The following SERPINA11 variants were observed in gnomAD, a reference collection of about 807,000 sequenced individuals.
SERPINA11 encodes serpin family A member 11.
In SERPINA11, 28 loss-of-function variants were observed where a neutral mutation model predicts 29.4. The observed-to-expected ratio is 0.95, with a 90% CI of 0.70 to 1.30. The LOEUF is 1.30. Among genes scored for constraint, SERPINA11 ranks in the 50% most tolerant of loss-of-function variants. The pLI is 0.00. For synonymous variants in SERPINA11, 253 were observed against 206.6 expected, an observed-to-expected ratio of 1.22 and a Z score of -1.92; for missense variants, 530 against 507.3, an observed-to-expected ratio of 1.04 and a Z score of -0.43.
intron 3 of SERPINA11, among the ~76,000 whole-genome samples, chr14:94,445,439 A>G (rs1898415202): frequency 6.6e-6 from 1 of 152,200 alleles, no homozygotes; most frequent in Non-Finnish European, 1.5e-5. Flanking sequence ...ACAAACCATA[A>G]AGCAAGTGAG....
At chr14:94,445,868 C>T (rs1898426713) in intron 3 of SERPINA11, among the ~76,000 whole-genome samples, 1 of 152,192 alleles carries the variant, frequency 6.6e-6, no homozygotes. Flanking sequence ...TGAGCTGCTG[C>T]ACCCAGCCAT....
At chr14:94,443,024 G>A (rs2139773354) in intron 4 of SERPINA11, 54 bp downstream of exon 4, 2 of 1,559,568 alleles carry the variant, frequency 1.3e-6, no homozygotes. Context: ...TGCCAAAGGA[G>A]AAACCTCCTA....
chr14:94,449,398 TTCTTTCTATTCTTTC>T lies in SERPINA11; in HGVS notation c.-3-636_-3-622del, dbSNP rs1898519829. On this transcript the variant is annotated intron_variant, in intron 1 of 4. Transcript: ENST00000334708. ...TAGTCTAGCCTCCCTCCCTCTTTCT[TTCTTTCTATTCTTTC>T]TTTCTTTCTTTCTTTCTTTCTTTCT... Among the ~76,000 whole-genome samples, 4 of 26,042 alleles carry T rather than the reference TTCTTTCTATTCTTTC, an allele frequency of 1.5e-4. 1 individual carries two copies. The highest frequency in any genetic ancestry group is 2.9e-3 in the South Asian group (2 of 686). 17.1% of individuals were successfully genotyped at this position (26,042 alleles called of 152,430 possible). A position where few individuals can be genotyped will look rare whatever the true frequency, so the allele number is the denominator to read the frequency against.
Position 94,448,451 on chromosome 14 carries a change from T to A in SERPINA11, c.324A>T (p.Thr108=), listed in dbSNP as rs777116178. 2 of 1,614,176 alleles carry A rather than the reference T, an allele frequency of 1.2e-6. No individual in the cohort carries two copies. Among genetic ancestry groups the A allele is most frequent in the East Asian group, 4.5e-5 (2 of 44,882 alleles). The change falls in exon 2 of 5, where the codon ACA becomes ACT. Residue 108 remains threonine (T), a synonymous_variant. Coordinates refer to ENST00000334708, the MANE Select transcript of SERPINA11 (RefSeq NM_001080451.2). ...LILEGLGFNL[T]ETPEADIHQG... ...GGTGGATGTCGGCTTCAGGGGTTTC[T>A]GTGAGGTTGAATCCCAGGCCCTCCA...
In SERPINA11 at chr14:94,446,418, A is replaced by C. The variant is rs769184552; in HGVS notation, c.830T>G (p.Val277Gly). 1 of 1,614,126 alleles carries C rather than the reference A, an allele frequency of 6.2e-7. No individual in the cohort carries two copies. Among genetic ancestry groups the C allele is most frequent in the South Asian group, 1.1e-5 (1 of 91,078 alleles). ...EYRGNALALL[V>G]LPDPGKMKQV... ...CTTCATTTTCCCCGGGTCAGGGAGG[A>C]CCAGCAGCGCCAAGGCATTTCCTCT... is the stretch of plus-strand genomic sequence containing the variant. The change falls in exon 3 of 5, where the codon GTC becomes GGC. Residue 277 changes from valine to glycine, a missense_variant. Val to Gly is a moderately radical substitution (Grantham distance 109). Transcript: ENST00000334708.
chr14:94,442,644 G>A lies in SERPINA11; in HGVS notation c.1231C>T (p.Leu411Phe). ...GGGTTGACAACTTTTCCCAGGAAGA[G>A]TAAGCTCTGGGTGGTGACCTCCCAA... is the stretch of plus-strand genomic sequence containing the variant. The part of the protein sequence containing the change: ...LLWEVTTQSL[L>F]FLGKVVNPVA... Residue 411 changes from leucine to phenylalanine, a missense_variant, in exon 5 of 5, where the codon CTC (leucine) becomes TTC (phenylalanine). Leu to Phe is a conservative substitution (Grantham distance 22). Transcript: ENST00000334708. 6.2e-7 allele frequency: 1 copy of A among 1,612,076 alleles called. No homozygotes were observed.
Position 94,442,514 on chromosome 14 carries a change from T to G in SERPINA11, c.*92A>C. ...TTAGAATCTTGGCACACTGATTAAC[T>G]GAACCACATAGCAGCCCCAGGATGC... On this transcript the variant is annotated 3_prime_UTR_variant, in exon 5 of 5. Coordinates refer to ENST00000334708, the MANE Select transcript of SERPINA11 (RefSeq NM_001080451.2). 1.1e-6 allele frequency: 1 copy of G among 887,648 alleles called. No homozygotes were observed. Among genetic ancestry groups the G allele is most frequent in the Non-Finnish European group, 1.7e-6 (1 of 578,352 alleles). The allele number at this position is 887,648 out of a possible 1,614,324, so 55.0% of individuals were successfully genotyped here. A position where few individuals can be genotyped will look rare whatever the true frequency, so the allele number is the denominator to read the frequency against.
At chr14:94,444,097 C>T (rs1898392333) in intron 3 of SERPINA11, among the ~76,000 whole-genome samples, 1 of 152,084 alleles carries the variant, frequency 6.6e-6, no homozygotes, top group South Asian at 2.1e-4. Context: ...AGTAGGAGGA[C>T]ATCTAGGGCT....
At chr14:94,449,449 CTT>C (rs1295801556) in intron 1 of SERPINA11, among the ~76,000 whole-genome samples, 1 of 112,188 alleles carries the variant, frequency 8.9e-6, no homozygotes, top group African/African-American at 5.1e-5. Flanking sequence ...TTCTTTCTTT[CTT>C]TCTTTCTTTC....
intron 2 of SERPINA11, among the ~76,000 whole-genome samples, chr14:94,446,816 C>A (rs1189958906): frequency 6.6e-6 from 1 of 152,212 alleles, no homozygotes; most frequent in African/African-American, 2.4e-5. Flanking sequence ...GATTTTGTTC[C>A]ATTTCAGAGG....
At chr14:94,450,658 C>G (rs149033202) in intron 1 of SERPINA11, among the ~76,000 whole-genome samples, 3 of 152,336 alleles carry the variant, frequency 2.0e-5, no homozygotes, top group African/African-American at 7.2e-5. Context: ...ATAGCCCTTG[C>G]AAACTAATGT....
chr14:94,452,129 C>G (rs1317478891), intron 1 of SERPINA11, among the ~76,000 whole-genome samples: 1 of 152,138 alleles, frequency 6.6e-6, no homozygotes, highest in Non-Finnish European at 1.5e-5. Context: ...TCTTGAAGCA[C>G]CCAGAATAGT....
intron 1 of SERPINA11, 132 bp downstream of exon 1, chr14:94,452,597 G>GC (rs1238854699): frequency 7.8e-5 from 3 of 38,296 alleles, no homozygotes; most frequent in Admixed American, 2.8e-4. Context: ...TCAAAGCCAG[G>GC]AACACACACA....
rs771654228 is a variant in SERPINA11 at position 94,448,526 on chromosome 14, G to C, written c.249C>G (p.Thr83=). 6.2e-6 allele frequency: 10 copies of C among 1,614,062 alleles called. No homozygotes were observed. Among genetic ancestry groups the C allele is most frequent in the Non-Finnish European group, 7.6e-6 (9 of 1,180,032 alleles). Reference sequence around the variant, plus strand: ...GGGCCCCAAGAGAGAGCAGGGCCAGGGTGGTGGAGATGCTCACTGGCGAGA... The same window carrying C: ...GGGCCCCAAGAGAGAGCAGGGCCAGCGTGGTGGAGATGCTCACTGGCGAGA... ...IFFSPVSIST[T]LALLSLGAQA... is the part of the protein sequence containing the mutation. Residue 83 remains threonine, a synonymous_variant, in exon 2 of 5, where the codon ACC becomes ACG. Coordinates refer to ENST00000334708, the MANE Select transcript of SERPINA11 (RefSeq NM_001080451.2).
At chr14:94,446,180 G>A (rs743208) in intron 3 of SERPINA11, 151 bp downstream of exon 3, 2 of 749,726 alleles carry the variant, frequency 2.7e-6, no homozygotes, top group Middle Eastern at 4.0e-4. Context: ...GCCCAAAAAA[G>A]GTGAGAAAAT....
rs777080783 is a variant in SERPINA11 at position 94,442,690 on chromosome 14, G to A, written c.1185C>T (p.Asn395=). ...CCCAAAGGAGCAAGAGGAAAGGCCT[G>A]TTGAAGTGGGCATGTGGGTCTGACA... ...NTMSDPHAHF[N]RPFLLLLWEV... is the part of the protein sequence containing the mutation. The change falls in exon 5 of 5, where the codon AAC becomes AAT. Residue 395 remains asparagine (N), a synonymous_variant. Transcript: ENST00000334708. 1.9e-6 allele frequency: 3 copies of A among 1,613,488 alleles called. No individual in the cohort carries two copies. The highest frequency in any genetic ancestry group is 1.7e-5 in the Admixed American group (1 of 59,962).
intron 1 of SERPINA11, among the ~76,000 whole-genome samples, chr14:94,449,439 TTC>T (rs750796187): frequency 1.9e-5 from 2 of 107,242 alleles, no homozygotes; most frequent in Admixed American, 9.6e-5. Flanking sequence ...CTTTCTTTCT[TTC>T]TTTCTTTCTT....
Position 94,446,403 on chromosome 14 carries a change from C to G in SERPINA11, c.845G>C (p.Gly282Ala). The change falls in exon 3 of 5, where the codon GGG (glycine) becomes GCG (alanine). Residue 282 changes from glycine to alanine, a missense_variant. Physicochemically the swap from Gly to Ala is moderately conservative, Grantham distance 60. Transcript: ENST00000334708. ...ALALLVLPDP[G>A]KMKQVEAALQ... ...AGCAGCCTCCACCTGCTTCATTTTC[C>G]CCGGGTCAGGGAGGACCAGCAGCGC... The G allele has an allele frequency of 6.2e-7, 1 of 1,614,138 alleles. No homozygotes were observed. The highest frequency in any genetic ancestry group is 8.5e-7 in the Non-Finnish European group (1 of 1,180,016).
intron 2 of SERPINA11, among the ~76,000 whole-genome samples, chr14:94,447,744 T>C (rs1898473941): frequency 6.7e-6 from 1 of 149,440 alleles, no homozygotes; most frequent in Admixed American, 6.7e-5. Flanking sequence ...CTCTTTTCCC[T>C]GGACCTTTAG....
Sources: gnomAD v4.1 joint callset for allele counts (sites outside exome capture counted in the v4.1 genomes callset) on GRCh38, gnomAD v4.1.1 for gene constraint, MANE v1.5 for transcripts, NCBI Gene and HGNC (gene_info 2026-07-23, HGNC 2026-07-21) for gene names.